The following GRID2 variants were observed in gnomAD, a reference collection of about 807,000 sequenced individuals.
The protein encoded by GRID2 is glutamate receptor ionotropic, delta-2.
A neutral mutation model predicts 114.8 loss-of-function variants in GRID2; 33 were observed. That is an observed-to-expected ratio of 0.29 (90% CI 0.22 to 0.38). GRID2 has a LOEUF of 0.38. Among genes scored for constraint, GRID2 ranks in the 10% least tolerant of loss-of-function variants. GRID2 has a pLI of 1.00. For missense variants in GRID2, 1,184 were observed against 1,257.7 expected (o/e 0.94, Z 0.89); for synonymous variants, 505 against 449.9 (o/e 1.12, Z -1.55).
At chr4:92,456,692 T>C (rs1253406904) in intron 1 of GRID2, among the ~76,000 whole-genome samples, 1 of 152,170 alleles carries the variant, frequency 6.6e-6, no homozygotes, top group East Asian at 1.9e-4. Context: ...AGTTATGCCT[T>C]ATGTTTGGAA....
At chr4:93,279,687 T>C (rs1442304009) in intron 8 of GRID2, among the ~76,000 whole-genome samples, 1 of 151,994 alleles carries the variant, frequency 6.6e-6, no homozygotes, top group Non-Finnish European at 1.5e-5. Flanking sequence ...TTGAACTTCA[T>C]GAAGACCTTT....
chr4:92,899,935 G>C (rs1010909712), intron 2 of GRID2, among the ~76,000 whole-genome samples: 1 of 152,116 alleles, frequency 6.6e-6, no homozygotes, highest in African/African-American at 2.4e-5. Context: ...CCTAGCCCTC[G>C]TCAAGGAGGT....
intron 11 of GRID2, among the ~76,000 whole-genome samples, chr4:93,474,377 T>G (rs114346824): frequency 0.012 from 1,833 of 152,242 alleles, 32 homozygotes; most frequent in African/African-American, 0.042. Context: ...CATCAATTCA[T>G]TATATTGGTT....
intron 8 of GRID2, among the ~76,000 whole-genome samples, chr4:93,356,432 C>G (rs1761343827): frequency 1.3e-5 from 2 of 151,458 alleles, no homozygotes; most frequent in Admixed American, 1.3e-4. Flanking sequence ...ATTATTCATT[C>G]TACTTTAAGA....
intron 1 of GRID2, among the ~76,000 whole-genome samples, chr4:92,337,893 G>C (rs1419515273): frequency 6.6e-6 from 1 of 152,136 alleles, no homozygotes; most frequent in Non-Finnish European, 1.5e-5. Flanking sequence ...ATCACTCTTA[G>C]AAACTAAGCA....
At position 93,179,062 on chromosome 4, in the gene GRID2, G is replaced by C. The variant is rs112523176; in HGVS notation, c.736-28342G>C. On this transcript the variant is annotated intron_variant, in intron 4 of 15. Coordinates refer to ENST00000282020, the MANE Select transcript of GRID2 (RefSeq NM_001510.4). ...CTCTGTAAAACAGAGCAGGGAGATG[G>C]GTTTAGTAAAATGTAGTCACTTTAA... 7.7e-4 allele frequency among the ~76,000 whole-genome samples: 117 copies of C among 152,178 alleles called. 1 individual carries two copies. Among genetic ancestry groups the C allele is most frequent in the African/African-American group, 2.6e-3 (110 of 41,534 alleles).
At chr4:93,758,465 G>A (rs1481924156) in intron 14 of GRID2, among the ~76,000 whole-genome samples, 4 of 152,112 alleles carry the variant, frequency 2.6e-5, no homozygotes. Flanking sequence ...GCCTACTAGA[G>A]TAGTTCTCAG....
chr4:92,579,980 G>A (rs1225407832), intron 1 of GRID2, among the ~76,000 whole-genome samples: 6 of 139,312 alleles, frequency 4.3e-5, no homozygotes, highest in African/African-American at 1.0e-4. Context: ...TTTTATATAT[G>A]TATATGTATT....
At chr4:93,535,420 G>A (rs1731956558) in intron 13 of GRID2, among the ~76,000 whole-genome samples, 1 of 151,932 alleles carries the variant, frequency 6.6e-6, no homozygotes, top group Non-Finnish European at 1.5e-5. Flanking sequence ...TCCAGAAATG[G>A]GATTGCTAAC....
chr4:92,945,736 G>A (rs761800915), intron 2 of GRID2, among the ~76,000 whole-genome samples: 19 of 152,102 alleles, frequency 1.2e-4, no homozygotes, highest in Non-Finnish European at 2.5e-4. Flanking sequence ...TTGGATGTTA[G>A]TGATTTTATT....
chr4:92,815,106 G>C (rs1380389193), intron 2 of GRID2, among the ~76,000 whole-genome samples: 4 of 152,060 alleles, frequency 2.6e-5, no homozygotes, highest in African/African-American at 9.7e-5. Flanking sequence ...TTACAAGATA[G>C]AAATACATTC....
intron 1 of GRID2, among the ~76,000 whole-genome samples, chr4:92,572,734 T>C (rs938491839): frequency 2.0e-5 from 3 of 152,106 alleles, no homozygotes; most frequent in Admixed American, 1.3e-4. Context: ...CAGTGTTTTG[T>C]TGAGTATTTT....
At chr4:93,073,728 G>A (rs1218636382) in intron 2 of GRID2, among the ~76,000 whole-genome samples, 1 of 152,174 alleles carries the variant, frequency 6.6e-6, no homozygotes, top group Non-Finnish European at 1.5e-5. Flanking sequence ...ACTCCTGGGA[G>A]CTGGTCAGGA....
chr4:93,601,267 C>CAGATGAT (rs1370371283), intron 13 of GRID2, among the ~76,000 whole-genome samples: 1 of 152,056 alleles, frequency 6.6e-6, no homozygotes, highest in Non-Finnish European at 1.5e-5. Context: ...ACAGCATAAC[C>CAGATGAT]AGATGATAAG....
rs141869352 is a variant in GRID2 at position 93,265,151 on chromosome 4, G to T, written c.1245+26661G>T. Among the ~76,000 whole-genome samples, 176 of 151,988 alleles carry T rather than the reference G, an allele frequency of 1.2e-3. 1 individual carries two copies. The highest frequency in any genetic ancestry group is 3.5e-3 in the African/African-American group (144 of 41,450). On this transcript the variant is annotated intron_variant, in intron 8 of 15. Coordinates refer to ENST00000282020, the MANE Select transcript of GRID2 (RefSeq NM_001510.4). ...GTAGTCTTTTCAGGATTCTATTTTG[G>T]TTTTTTTCCCTCATGAAACTATTTA... is the stretch of plus-strand genomic sequence containing the variant.
intron 9 of GRID2, among the ~76,000 whole-genome samples, chr4:93,409,313 G>A (rs1766864895): frequency 1.3e-5 from 2 of 152,172 alleles, no homozygotes; most frequent in African/African-American, 4.8e-5. Flanking sequence ...TGTGGCTAGG[G>A]CATCAATGTG....
At chr4:93,383,060 G>A (rs1366307042) in intron 8 of GRID2, among the ~76,000 whole-genome samples, 1 of 152,016 alleles carries the variant, frequency 6.6e-6, no homozygotes, top group African/African-American at 2.4e-5. Flanking sequence ...CCGTGTGTAT[G>A]TGGTTGCTTT....
At chr4:92,963,343 G>A (rs1340744557) in intron 2 of GRID2, among the ~76,000 whole-genome samples, 2 of 151,990 alleles carry the variant, frequency 1.3e-5, no homozygotes, top group Non-Finnish European at 2.9e-5. Flanking sequence ...CAAAATTGGA[G>A]TAAATCCTCT....
At chr4:93,791,434 G>A (rs185466234) in intron 1 of GRID2, among the ~76,000 whole-genome samples, 16 of 152,120 alleles carry the variant, frequency 1.1e-4, no homozygotes, top group African/African-American at 3.4e-4. Context: ...AATTAGTAAG[G>A]CAGGTCTATT....
Sources: gnomAD v4.1 joint callset for allele counts (sites outside exome capture counted in the v4.1 genomes callset) on GRCh38, gnomAD v4.1.1 for gene constraint, MANE v1.5 for transcripts, NCBI Gene and HGNC (gene_info 2026-07-23, HGNC 2026-07-21) for gene names.